Variants in SNTG2 observed in about 807,000 individuals in gnomAD.
SNTG2 encodes the protein syntrophin gamma 2.
A neutral mutation model predicts 70.9 loss-of-function variants in SNTG2; 74 were observed. That is an observed-to-expected ratio of 1.04 (90% confidence interval 0.86 to 1.27). SNTG2 has a LOEUF of 1.27. Ranked by LOEUF, SNTG2 falls within the 50% of genes most tolerant of loss-of-function variation. The pLI is 0.00. For synonymous variants in SNTG2, 278 were observed against 273.8 expected, an observed-to-expected ratio of 1.02 and a Z score of -0.15; for missense variants, 717 against 690.7, an observed-to-expected ratio of 1.04 and a Z score of -0.43.
chr2:1,156,749 G>A (rs918978224), intron 6 of SNTG2, among the ~76,000 whole-genome samples: 5 of 152,092 alleles, frequency 3.3e-5, no homozygotes, highest in Admixed American at 3.3e-4. Context: ...GGTGATGCTC[G>A]GGCTGTCATT....
chr2:1,018,294 G>C (rs1659974856), intron 1 of SNTG2, among the ~76,000 whole-genome samples: 1 of 152,194 alleles, frequency 6.6e-6, no homozygotes, highest in South Asian at 2.1e-4. Flanking sequence ...GAGACAAGCA[G>C]CCCTGGGGAG....
chr2:1,169,284 C>T (rs76527774), intron 7 of SNTG2, among the ~76,000 whole-genome samples: 3,421 of 152,070 alleles, frequency 0.022, 120 homozygotes, highest in African/African-American at 0.077. Flanking sequence ...GGGGTGCTTT[C>T]GGATGTTGCT....
At chr2:963,825 C>T (rs1660438254) in intron 1 of SNTG2, among the ~76,000 whole-genome samples, 1 of 152,170 alleles carries the variant, frequency 6.6e-6, no homozygotes, top group South Asian at 2.1e-4. Flanking sequence ...AAGTATAAAT[C>T]CTTTGGAGGG....
At chr2:1,257,641 T>C (rs1678199295) in intron 12 of SNTG2, among the ~76,000 whole-genome samples, 1 of 152,220 alleles carries the variant, frequency 6.6e-6, no homozygotes, top group African/African-American at 2.4e-5. Flanking sequence ...CAGACTAGTA[T>C]GGAAAATGCA....
At chr2:970,402 A>G (rs1335830274) in intron 1 of SNTG2, among the ~76,000 whole-genome samples, 4 of 145,428 alleles carry the variant, frequency 2.8e-5, no homozygotes, top group Admixed American at 6.9e-5. Flanking sequence ...ATATCTCCCA[A>G]TGCTATCCCT....
chr2:1,038,620 T>G (rs1661263144), intron 1 of SNTG2, among the ~76,000 whole-genome samples: 1 of 152,224 alleles, frequency 6.6e-6, no homozygotes, highest in South Asian at 2.1e-4. Flanking sequence ...TTAGCTATTA[T>G]TCGAGAGGAT....
At chr2:994,839 A>G (rs1474035465) in intron 1 of SNTG2, among the ~76,000 whole-genome samples, 12 of 151,158 alleles carry the variant, frequency 7.9e-5, no homozygotes, top group Non-Finnish European at 4.4e-5. Flanking sequence ...AAATAGAATT[A>G]TTTCCTTAAT....
At chr2:1,042,315 C>G (rs1456054693) in intron 1 of SNTG2, among the ~76,000 whole-genome samples, 2 of 152,064 alleles carry the variant, frequency 1.3e-5, no homozygotes, top group Non-Finnish European at 2.9e-5. Context: ...ATTGCATCTT[C>G]TTATTCACAA....
At chr2:1,119,010 A>G (rs1667214750) in intron 4 of SNTG2, among the ~76,000 whole-genome samples, 1 of 152,214 alleles carries the variant, frequency 6.6e-6, no homozygotes. Flanking sequence ...CAAAAAAAGG[A>G]TAATTTTAAA....
intron 9 of SNTG2, among the ~76,000 whole-genome samples, chr2:1,215,083 C>G (rs1333786420): frequency 6.6e-6 from 1 of 152,148 alleles, no homozygotes; most frequent in Non-Finnish European, 1.5e-5. Context: ...AGGCATGAAT[C>G]CCACTTGATC....
intron 1 of SNTG2, among the ~76,000 whole-genome samples, chr2:974,712 A>G (rs1008858347): frequency 3.9e-5 from 6 of 152,170 alleles, no homozygotes; most frequent in Non-Finnish European, 7.3e-5. Flanking sequence ...AGCTCTGCCA[A>G]TCGTGAAGTC....
At chr2:1,300,964 T>C (rs140899804) in intron 14 of SNTG2, among the ~76,000 whole-genome samples, 2 of 152,268 alleles carry the variant, frequency 1.3e-5, no homozygotes, top group Admixed American at 6.5e-5. Context: ...GGAACTCTAA[T>C]TGATTGTGCT....
chr2:1,223,802 G>A (rs1429217049), intron 9 of SNTG2, among the ~76,000 whole-genome samples: 1 of 150,970 alleles, frequency 6.6e-6, no homozygotes, highest in Non-Finnish European at 1.5e-5. Flanking sequence ...GTTTTAGTCA[G>A]TGTGGGCTGC....
intron 1 of SNTG2, among the ~76,000 whole-genome samples, chr2:962,584 T>C (rs1296918305): frequency 6.6e-6 from 1 of 152,236 alleles, no homozygotes; most frequent in Non-Finnish European, 1.5e-5. Flanking sequence ...AATTTATCCA[T>C]GGTACAAATA....
chr2:1,151,084 T>G (rs1275102225), intron 6 of SNTG2, among the ~76,000 whole-genome samples: 1 of 152,214 alleles, frequency 6.6e-6, no homozygotes, highest in Non-Finnish European at 1.5e-5. Context: ...AAGTATAGAA[T>G]ATATGGTATG....
chr2:1,256,043 C>T lies in SNTG2; in HGVS notation c.1006-3327C>T, dbSNP rs571561434. ...AAAATGCACAGTTAGGCAATTTTGT[C>T]GTTGTGCAAACATCATAGGGTGTAT... On this transcript the variant is annotated intron_variant, in intron 12 of 16. Transcript: ENST00000308624. Among the ~76,000 whole-genome samples, 7 of 150,336 alleles carry T rather than the reference C, an allele frequency of 4.7e-5. No homozygotes were observed. In the South Asian group the frequency reaches 8.4e-4, roughly 18 times the overall value.
chr2:966,945 TCAAA>T (rs201295058), intron 1 of SNTG2, among the ~76,000 whole-genome samples: 12,250 of 143,602 alleles, frequency 0.085, 702 homozygotes, highest in South Asian at 0.21. Context: ...AGACTCTGTC[TCAAA>T]CAAACAAACA....
chr2:1,169,262 G>C (rs888940913), intron 7 of SNTG2, among the ~76,000 whole-genome samples: 1 of 152,102 alleles, frequency 6.6e-6, no homozygotes, highest in Non-Finnish European at 1.5e-5. Flanking sequence ...GGAGGAGACA[G>C]ACAGAAAGCA....
At chr2:1,247,576 G>T in intron 12 of SNTG2, 133 bp downstream of exon 12, 1 of 620,206 alleles carries the variant, frequency 1.6e-6, no homozygotes, top group Non-Finnish European at 2.9e-6. Flanking sequence ...GTTTCTGCAT[G>T]GTTGGAAAGG....
Sources: allele counts gnomAD v4.1 joint callset (sites outside exome capture counted in the v4.1 genomes callset), GRCh38; gene constraint gnomAD v4.1.1; transcripts MANE v1.5; gene names NCBI Gene and HGNC (gene_info 2026-07-23, HGNC 2026-07-21).